Variants in MGAT4C observed in about 807,000 individuals in gnomAD.
MGAT4C encodes the protein alpha-1,3-mannosyl-glycoprotein 4-beta-N-acetylglucosaminyltransferase C.
MGAT4C carries 19 observed loss-of-function variants against 40.1 expected under a neutral mutation model. The ratio of observed to expected loss-of-function variants is 0.47; its 90% CI spans 0.33 to 0.70. MGAT4C has a LOEUF of 0.70. Among genes scored for constraint, MGAT4C ranks in the 30% least tolerant of loss-of-function variants. MGAT4C has a pLI of 0.02. For missense variants in MGAT4C, 491 were observed against 563.2 expected, an observed-to-expected ratio of 0.87 and a Z score of 1.30; for synonymous variants, 181 against 187.1, an observed-to-expected ratio of 0.97 and a Z score of 0.27.
At chr12:86,660,149 G>A (rs1963946487) in intron 2 of MGAT4C, among the ~76,000 whole-genome samples, 1 of 152,112 alleles carries the variant, frequency 6.6e-6, no homozygotes, top group South Asian at 2.1e-4. Context: ...TACCGGACAA[G>A]AGACCTTGAT....
chr12:86,424,615 GA>G, intron 3 of MGAT4C, among the ~76,000 whole-genome samples: 1 of 152,204 alleles, frequency 6.6e-6, no homozygotes, highest in East Asian at 1.9e-4. Context: ...CCCAAGTGGG[GA>G]TGGCTGGGCA....
intron 2 of MGAT4C, among the ~76,000 whole-genome samples, chr12:86,042,174 C>A (rs560662215): frequency 3.0e-4 from 46 of 152,274 alleles, no homozygotes; most frequent in Non-Finnish European, 5.1e-4. Flanking sequence ...GATTTTTCTC[C>A]ATCCATTAAC....
intron 3 of MGAT4C, among the ~76,000 whole-genome samples, chr12:86,395,036 T>C (rs973965837): frequency 1.3e-5 from 2 of 152,108 alleles, no homozygotes; most frequent in Non-Finnish European, 2.9e-5. Context: ...TAAGAAACTA[T>C]ATGTCTAAGA....
chr12:86,022,922 C>T (rs148219138), intron 2 of MGAT4C, among the ~76,000 whole-genome samples: 2 of 152,046 alleles, frequency 1.3e-5, no homozygotes, highest in African/African-American at 4.8e-5. Context: ...TGAAGACAGA[C>T]AGGGAGTAAG....
At chr12:86,334,306 G>A (rs1238907957) in intron 3 of MGAT4C, among the ~76,000 whole-genome samples, 1 of 151,980 alleles carries the variant, frequency 6.6e-6, no homozygotes, top group Non-Finnish European at 1.5e-5. Context: ...CAATATCTTT[G>A]CAAAATTTCA....
chr12:86,803,996 G>C, intron 1 of MGAT4C, among the ~76,000 whole-genome samples: 1 of 126,248 alleles, frequency 7.9e-6, no homozygotes, highest in Non-Finnish European at 1.6e-5. Context: ...ATTCACAATA[G>C]CAAAGACTTG....
At chr12:86,217,822 A>C (rs1343296053) in intron 1 of MGAT4C, among the ~76,000 whole-genome samples, 1 of 152,224 alleles carries the variant, frequency 6.6e-6, no homozygotes, top group Non-Finnish European at 1.5e-5. Flanking sequence ...GTCCCAAAGA[A>C]GAATGACTAT....
chr12:86,020,948 A>G (rs1889655520), intron 2 of MGAT4C, among the ~76,000 whole-genome samples: 1 of 152,234 alleles, frequency 6.6e-6, no homozygotes, highest in African/African-American at 2.4e-5. Flanking sequence ...GACACTTCTC[A>G]AAAGAAGACA....
At position 86,384,455 on chromosome 12, in the gene MGAT4C, T is replaced by C. The variant is rs1482174012; in HGVS notation, c.-119-50328A>G. Among the ~76,000 whole-genome samples, 14 of 152,186 alleles carry C rather than the reference T, an allele frequency of 9.2e-5. No individual in the cohort carries two copies. In the South Asian group the frequency reaches 1.9e-3, roughly 20 times the overall value. ...ATATTTGGGATAATGGTGTTCAGGA[T>C]TGTGACTTTGGGATTATGATCCCAG... On this transcript the variant is annotated intron_variant, in intron 3 of 7. Coordinates refer to the MGAT4C transcript ENST00000548651.
chr12:86,795,937 G>A (rs1952107683), intron 1 of MGAT4C, among the ~76,000 whole-genome samples: 1 of 151,928 alleles, frequency 6.6e-6, no homozygotes, highest in Non-Finnish European at 1.5e-5. Flanking sequence ...GCTGCCATAT[G>A]GAAAATTAGA....
chr12:85,996,041 T>C (rs1453132356), intron 2 of MGAT4C, among the ~76,000 whole-genome samples: 1 of 152,120 alleles, frequency 6.6e-6, no homozygotes, highest in Non-Finnish European at 1.5e-5. Flanking sequence ...TTTAAACATA[T>C]AGGACAATGT....
At position 86,351,339 on chromosome 12, in the gene MGAT4C, G is replaced by C. The variant is rs374719661; in HGVS notation, c.-119-17212C>G. ...AAAAATAAGTAGAGATGGTAGTAGA[G>C]ATATACATATATTTTGTCAAATATT... On this transcript the variant is annotated intron_variant, in intron 3 of 7. Coordinates refer to the MGAT4C transcript ENST00000548651. Among the ~76,000 whole-genome samples, 342 of 152,078 alleles carry C rather than the reference G, an allele frequency of 2.2e-3. 1 individual carries two copies. The highest frequency in any genetic ancestry group is 5.4e-3 in the South Asian group (26 of 4,830).
chr12:86,331,779 G>C (rs1954674651), intron 4 of MGAT4C, among the ~76,000 whole-genome samples: 1 of 152,096 alleles, frequency 6.6e-6, no homozygotes, highest in Admixed American at 6.6e-5. Flanking sequence ...ACGAAAGATA[G>C]AACTATTTAA....
At chr12:86,411,861 A>G (rs763361824) in intron 3 of MGAT4C, among the ~76,000 whole-genome samples, 2 of 152,132 alleles carry the variant, frequency 1.3e-5, no homozygotes, top group Non-Finnish European at 2.9e-5. Context: ...GGCCAGACTC[A>G]GGGCCTCACT....
chr12:86,584,792 C>G (rs184712178), intron 2 of MGAT4C, among the ~76,000 whole-genome samples: 8 of 151,454 alleles, frequency 5.3e-5, no homozygotes, highest in Admixed American at 2.0e-4. Flanking sequence ...AGATTTCTGT[C>G]AACTTGATTG....
intron 2 of MGAT4C, among the ~76,000 whole-genome samples, chr12:86,693,228 C>T (rs1950200298): frequency 6.6e-6 from 1 of 152,150 alleles, no homozygotes; most frequent in African/African-American, 2.4e-5. Context: ...CTACTTCACT[C>T]CATTTTATTC....
At chr12:86,748,136 C>G (rs560212706) in intron 1 of MGAT4C, among the ~76,000 whole-genome samples, 19 of 151,458 alleles carry the variant, frequency 1.3e-4, no homozygotes, top group Admixed American at 4.6e-4. Context: ...CCATGTGTAG[C>G]TCAAAGAAAA....
At chr12:86,450,004 T>C (rs1006923859) in intron 2 of MGAT4C, among the ~76,000 whole-genome samples, 17 of 152,314 alleles carry the variant, frequency 1.1e-4, no homozygotes, top group Admixed American at 2.0e-4. Flanking sequence ...CCCTTTAAAA[T>C]AGTCAATTAT....
intron 3 of MGAT4C, among the ~76,000 whole-genome samples, chr12:86,380,108 T>A (rs1472557598): frequency 6.6e-6 from 1 of 152,116 alleles, no homozygotes; most frequent in Non-Finnish European, 1.5e-5. Flanking sequence ...CATTTTTTTA[T>A]GATAACATTG....
Sources: gnomAD v4.1 joint callset for allele counts (sites outside exome capture counted in the v4.1 genomes callset) on GRCh38, gnomAD v4.1.1 for gene constraint, MANE v1.5 for transcripts, NCBI Gene and HGNC (gene_info 2026-07-23, HGNC 2026-07-21) for gene names.